The following ING5 variants were observed in gnomAD, a reference collection of about 807,000 sequenced individuals.
ING5 encodes the protein inhibitor of growth family member 5, also known as inhibitor of growth protein 5.
ING5 carries 17 observed loss-of-function variants against 37.4 expected under a neutral mutation model. That is an observed-to-expected ratio of 0.45 (90% CI 0.31 to 0.68). The LOEUF is 0.68. Among genes scored for constraint, ING5 ranks in the 30% least tolerant of loss-of-function variants. The pLI, the probability that ING5 is intolerant of heterozygous loss-of-function variation, is 0.05. For synonymous variants in ING5, 123 were observed against 116.6 expected (o/e 1.06, Z -0.36); for missense variants, 233 against 311.9 (o/e 0.75, Z 1.91).
chr2:241,721,077 G>A, intron 5 of ING5: 6 of 985,682 alleles, frequency 6.1e-6, no homozygotes, highest in Non-Finnish European at 7.2e-6. Flanking sequence ...GGACAGAATT[G>A]GACTCGGCGC....
At chr2:241,700,650 G>A (rs964379054), upstream of ING5, among the ~76,000 whole-genome samples, 5 of 151,910 alleles carry the variant, frequency 3.3e-5, no homozygotes, top group African/African-American at 7.3e-5. Flanking sequence ...TTTTGAGACG[G>A]AGTCTTGCTC....
intron 2 of ING5, among the ~76,000 whole-genome samples, chr2:241,705,424 G>GTC (rs1419911083): frequency 8.4e-6 from 1 of 119,720 alleles, no homozygotes; most frequent in East Asian, 3.0e-4. Flanking sequence ...TTGAGACAGA[G>GTC]TCTCACTCTG....
At position 241,728,932 on chromosome 2, in the gene ING5, C is replaced by A. The variant is rs1197467595; in HGVS notation, c.*3901C>A. 1.3e-5 allele frequency: 2 copies of A among 152,210 alleles called. No homozygotes were observed. The highest frequency in any genetic ancestry group is 2.9e-5 in the Non-Finnish European group (2 of 68,054). The allele number at this position is 152,210 out of a possible 1,614,324, so 9.4% of individuals were successfully genotyped here. A position where few individuals can be genotyped will look rare whatever the true frequency, so the allele number is the denominator to read the frequency against. ...CTTGTCTGGTGTCCAGCAGCCCTGC[C>A]GGACTTGGCCTCCTGTCCTGTCGTT... On this transcript the variant is annotated 3_prime_UTR_variant, in exon 8 of 8. Transcript: ENST00000313552.
intron 2 of ING5, among the ~76,000 whole-genome samples, chr2:241,693,159 T>A (rs1003916973): frequency 6.8e-6 from 1 of 147,066 alleles, no homozygotes; most frequent in African/African-American, 2.5e-5. Context: ...CTCAGGAGGC[T>A]GAGGCAGGAG....
At chr2:241,701,321 A>G (rs1018020128), upstream of ING5, among the ~76,000 whole-genome samples, 2 of 152,058 alleles carry the variant, frequency 1.3e-5, no homozygotes, top group African/African-American at 2.4e-5. Flanking sequence ...CTTATTAACT[A>G]TATCATACTG....
In ING5 at chr2:241,713,630, C is replaced by T. The variant is rs1377872470; in HGVS notation, c.482+1559C>T. On this transcript the variant is annotated intron_variant, in intron 5 of 7. Transcript: ENST00000313552. ...TCGTGATCCACCTGCCTTGGCCTCCCAAAGTGCTGGGATTACAGGCGTGAG... is the reference window on the plus strand; with the variant it reads ...TCGTGATCCACCTGCCTTGGCCTCCTAAAGTGCTGGGATTACAGGCGTGAG... Among the ~76,000 whole-genome samples, 5 of 151,582 alleles carry T rather than the reference C, an allele frequency of 3.3e-5. No homozygotes were observed. The East Asian group carries it at 9.9e-4, about 30-fold the overall frequency.
At chr2:241,699,046 G>A (rs2069675041), upstream of ING5, among the ~76,000 whole-genome samples, 1 of 125,150 alleles carries the variant, frequency 8.0e-6, no homozygotes, top group African/African-American at 3.3e-5. Context: ...TTTGGGGGGG[G>A]AGGGGTTTGC....
intron 2 of ING5, among the ~76,000 whole-genome samples, chr2:241,691,741 A>G (rs1005325136): frequency 6.6e-6 from 1 of 152,056 alleles, no homozygotes; most frequent in African/African-American, 2.4e-5. Flanking sequence ...TACCAGCCCT[A>G]TCGGATTAGG....
intron 5 of ING5, chr2:241,722,076 T>C (rs970856589): frequency 1.0e-6 from 1 of 985,132 alleles, no homozygotes; most frequent in African/African-American, 1.7e-5. Flanking sequence ...TGAGTCAGTA[T>C]TGGGGCAGAG....
upstream of ING5, chr2:241,702,017 C>A: frequency 7.5e-7 from 1 of 1,327,824 alleles, no homozygotes; most frequent in Non-Finnish European, 9.7e-7. Flanking sequence ...CCCCCGCCTC[C>A]CGCGGCACCG....
chr2:241,689,970 G>A (rs1434381693), exon 2 of ING5: 3 of 151,672 alleles, frequency 2.0e-5, no homozygotes, highest in African/African-American at 7.3e-5. Context: ...GAAGGGGATT[G>A]TAGGAAGGAA....
At chr2:241,722,853 A>G (rs1016760907) in intron 5 of ING5, 86 bp from the exon 6 acceptor site, 1 of 1,576,862 alleles carries the variant, frequency 6.3e-7, no homozygotes, top group Non-Finnish European at 8.6e-7. Flanking sequence ...GGGGGCCTTA[A>G]GTCAGAGACA....
At position 241,728,793 on chromosome 2, in the gene ING5, T is replaced by C. The variant is rs1405870541; in HGVS notation, c.*3762T>C. ...AGCAGCTGACCGCCCGTCTCACTGT[T>C]GGCCAGGGCTTTGTGGCGTGGGTGT... On this transcript the variant is annotated 3_prime_UTR_variant, in exon 8 of 8. Coordinates refer to ENST00000313552, the MANE Select transcript of ING5 (RefSeq NM_032329.6). 2.0e-5 allele frequency: 3 copies of C among 152,348 alleles called. No homozygotes were observed. The highest frequency in any genetic ancestry group is 4.4e-5 in the Non-Finnish European group (3 of 68,112). The allele number at this position is 152,348 out of a possible 1,614,324, so 9.4% of individuals were successfully genotyped here.
At chr2:241,701,572 G>C (rs6742813), upstream of ING5, among the ~76,000 whole-genome samples, 80,204 of 151,904 alleles carry the variant, frequency 0.53, 22,063 homozygotes, top group Admixed American at 0.64. Context: ...CGGGGGCTCG[G>C]GGTCCGGGGG....
chr2:241,693,274 C>G (rs927812638), intron 2 of ING5, among the ~76,000 whole-genome samples: 1 of 128,110 alleles, frequency 7.8e-6, no homozygotes, highest in South Asian at 2.6e-4. Flanking sequence ...AAAAAAAAAG[C>G]AAAGCTCCTT....
chr2:241,702,134 G>C, intron 1 of ING5, 32 bp downstream of exon 1: 1 of 1,267,476 alleles, frequency 7.9e-7, no homozygotes, highest in East Asian at 3.6e-5. Flanking sequence ...CGCGCCCGCC[G>C]CCCACGCGGA....
rs2069744477 is a variant in ING5, at chr2:241,702,060, A to G, written c.-6A>G. On this transcript the variant is annotated 5_prime_UTR_variant, in exon 1 of 8. Coordinates refer to ENST00000313552, the MANE Select transcript of ING5 (RefSeq NM_032329.6). ...GCGCAGACCCCGAGCGCGGCCGCGG[A>G]CGAAGATGGCGACCGCCATGTACTT... The G allele has an allele frequency of 1.4e-6, 2 of 1,388,486 alleles. No homozygotes were observed. The highest frequency in any genetic ancestry group is 1.5e-5 in the African/African-American group (1 of 65,678). 86.0% of individuals were successfully genotyped at this position (1,388,486 alleles called of 1,614,324 possible). A position where few individuals can be genotyped will look rare whatever the true frequency, so the allele number is the denominator to read the frequency against.
At chr2:241,712,627 C>CT (rs1412504717) in intron 5 of ING5, among the ~76,000 whole-genome samples, 5 of 152,138 alleles carry the variant, frequency 3.3e-5, no homozygotes, top group African/African-American at 1.2e-4. Context: ...TGTATACCCT[C>CT]CAAAGAGATC....
intron 5 of ING5, among the ~76,000 whole-genome samples, chr2:241,717,894 C>T (rs1326112530): frequency 1.3e-5 from 2 of 152,214 alleles, no homozygotes; most frequent in Admixed American, 6.5e-5. Flanking sequence ...CTCCTTTCTC[C>T]TCTTCCTGCT....
Sources: gnomAD v4.1 joint callset for allele counts (sites outside exome capture counted in the v4.1 genomes callset) on GRCh38, gnomAD v4.1.1 for gene constraint, MANE v1.5 for transcripts, NCBI Gene and HGNC (gene_info 2026-07-23, HGNC 2026-07-21) for gene names.